LRCH2: variants seen among roughly 807,000 people sequenced by gnomAD.
The protein encoded by LRCH2 is leucine-rich repeat and calponin homology domain-containing protein 2.
Under a neutral mutation model 68.9 loss-of-function variants are expected in LRCH2, and 38 were observed. The observed-to-expected ratio is 0.55, with a 90% CI of 0.43 to 0.72. The LOEUF (loss-of-function observed/expected upper bound fraction) is 0.72. Among genes scored for constraint, LRCH2 ranks in the 30% least tolerant of loss-of-function variants. The pLI, the probability that LRCH2 is intolerant of heterozygous loss-of-function variation, is 0.00. For synonymous variants in LRCH2, 191 were observed against 208.1 expected, an observed-to-expected ratio of 0.92 and a Z score of 0.71; for missense variants, 528 against 572.9, an observed-to-expected ratio of 0.92 and a Z score of 0.80.
chrX:115,162,729 T>C (rs1304987041), intron 11 of LRCH2, among the ~76,000 whole-genome samples: 1 of 111,949 alleles, frequency 8.9e-6, no homozygotes, highest in Non-Finnish European at 1.9e-5. Flanking sequence ...TTTTTCAATG[T>C]ACATTTAAAC....
At chrX:115,181,791 G>T (rs2072693460) in intron 3 of LRCH2, among the ~76,000 whole-genome samples, 1 of 111,776 alleles carries the variant, frequency 8.9e-6, no homozygotes, top group Admixed American at 9.5e-5. Context: ...TAAAATAATA[G>T]TGTTAAACAT....
intron 20 of LRCH2, among the ~76,000 whole-genome samples, chrX:115,117,337 G>C (rs190397749): frequency 1.9e-3 from 214 of 111,668 alleles, no homozygotes; most frequent in African/African-American, 6.8e-3. Flanking sequence ...CTCACATACT[G>C]CTGACAGGAA....
chrX:115,194,131 A>T (rs2072869188), intron 1 of LRCH2, among the ~76,000 whole-genome samples: 1 of 111,194 alleles, frequency 9.0e-6, no homozygotes, highest in Non-Finnish European at 1.9e-5. Context: ...TATATATGTA[A>T]TATATAGAGA....
chrX:115,114,503 A>G (rs2072066668), intron 20 of LRCH2, among the ~76,000 whole-genome samples: 1 of 111,125 alleles, frequency 9.0e-6, no homozygotes, highest in South Asian at 3.7e-4. Flanking sequence ...GAGGAAAACA[A>G]TAAAGTAAAA....
chrX:115,192,909 C>T (rs2072857160), intron 1 of LRCH2: 5 of 311,719 alleles, frequency 1.6e-5, no homozygotes, highest in East Asian at 6.6e-5. Flanking sequence ...AGTTGAAATA[C>T]GATTAATGGC....
chrX:115,191,808 C>T, intron 1 of LRCH2: 1 of 1,153,344 alleles, frequency 8.7e-7, no homozygotes, highest in Non-Finnish European at 1.2e-6. Flanking sequence ...CGCTCGATGC[C>T]AACAGCGGAG....
chrX:115,229,198 CT>C (rs782535913), intron 1 of LRCH2, among the ~76,000 whole-genome samples: 1 of 111,522 alleles, frequency 9.0e-6, no homozygotes, highest in Non-Finnish European at 1.9e-5. Context: ...AATAAATAAC[CT>C]ATTTATTGGC....
rs183663482 is a variant in LRCH2 at position 115,116,559 on chromosome X, G to A, written c.2179-3224C>T. Among the ~76,000 whole-genome samples, 205 of 111,231 alleles carry A rather than the reference G, an allele frequency of 1.8e-3. 1 individual carries two copies. The highest frequency in any genetic ancestry group is 2.8e-3 in the Non-Finnish European group (148 of 52,636). ...AATGGGCAAGGGCTGTGTTTCTGGG[G>A]TGACGAAAATATTTTAAACAGATTG... is the stretch of plus-strand genomic sequence containing the variant. On this transcript the variant is annotated intron_variant, in intron 20 of 20. Coordinates refer to ENST00000317135, the MANE Select transcript of LRCH2 (RefSeq NM_020871.4).
intron 1 of LRCH2, among the ~76,000 whole-genome samples, chrX:115,225,187 T>G (rs908557687): frequency 9.0e-6 from 1 of 111,710 alleles, no homozygotes; most frequent in African/African-American, 3.3e-5. Flanking sequence ...TTAGGTCTTA[T>G]GGCTGGCTTT....
At chrX:115,136,255 A>G (rs782123174) in intron 14 of LRCH2, among the ~76,000 whole-genome samples, 2 of 111,489 alleles carry the variant, frequency 1.8e-5, no homozygotes, top group South Asian at 3.7e-4. Flanking sequence ...TCATCTCTTG[A>G]TATCTGCAAG....
rs908264231 is a variant in LRCH2, at chrX:115,131,814, G to A, written c.1696-1615C>T. 2.7e-4 allele frequency among the ~76,000 whole-genome samples: 30 copies of A among 111,862 alleles called. 1 individual carries two copies. The highest frequency in any genetic ancestry group is 5.3e-4 in the Non-Finnish European group (28 of 53,159). ...ATCGCCATTCTAACTGGTGTGAGAT[G>A]GTATCTCATTGTGGCTTTGATTTGC... On this transcript the variant is annotated intron_variant, in intron 14 of 20. Coordinates refer to ENST00000317135, the MANE Select transcript of LRCH2 (RefSeq NM_020871.4).
chrX:115,184,597 C>T (rs1455183223), intron 2 of LRCH2, 60 bp from the exon 3 acceptor site: 52 of 947,948 alleles, frequency 5.5e-5, no homozygotes, highest in South Asian at 6.5e-5. Flanking sequence ...ATATTAAAAA[C>T]GAAGAAATCA....
intron 3 of LRCH2, among the ~76,000 whole-genome samples, chrX:115,183,193 T>C (rs1427437153): frequency 9.0e-6 from 1 of 111,210 alleles, no homozygotes; most frequent in East Asian, 2.8e-4. Context: ...TTCAAAATTA[T>C]ATGGTTCTAA....
At chrX:115,166,905 G>T (rs781996896) in intron 6 of LRCH2, among the ~76,000 whole-genome samples, 5 of 109,783 alleles carry the variant, frequency 4.6e-5, no homozygotes, top group Admixed American at 9.8e-5. Context: ...CACTTAATTT[G>T]CAATTTTACC....
chrX:115,157,726 T>C (rs2072486654), intron 11 of LRCH2, among the ~76,000 whole-genome samples: 1 of 109,762 alleles, frequency 9.1e-6, no homozygotes, highest in Non-Finnish European at 1.9e-5. Context: ...TATCTAAAAC[T>C]ATTAGGAAAA....
At chrX:115,158,734 A>C (rs2072494417) in intron 11 of LRCH2, among the ~76,000 whole-genome samples, 1 of 112,246 alleles carries the variant, frequency 8.9e-6, no homozygotes, top group African/African-American at 3.2e-5. Flanking sequence ...CTACAGCGTA[A>C]GTTAGCAGGA....
chrX:115,147,701 T>C (rs1038767059), intron 14 of LRCH2, among the ~76,000 whole-genome samples: 1 of 111,497 alleles, frequency 9.0e-6, no homozygotes, highest in Admixed American at 9.6e-5. Context: ...ATGCACATTT[T>C]TAAAATGTGG....
rs2806269 is a variant in LRCH2 at position 115,149,780 on chromosome X, A to G, written c.1695+47T>C. 11,993 of 841,153 alleles carry G rather than the reference A, an allele frequency of 0.014. 763 individuals carry two copies. In the African/African-American group the frequency reaches 0.2, roughly 14 times the overall value. The allele number at this position is 841,153 out of a possible 1,213,427, so 69.3% of individuals were successfully genotyped here. On this transcript the variant is annotated intron_variant, in intron 14 of 20. Transcript: ENST00000317135. ...TAACTCAAAACAAAACTGACAAAAT[A>G]AAAACTAATAATTACAAAGTAAATT...
chrX:115,157,798 G>A (rs1009399850), intron 11 of LRCH2, among the ~76,000 whole-genome samples: 1 of 109,576 alleles, frequency 9.1e-6, no homozygotes, highest in African/African-American at 3.3e-5. Context: ...TACCCTGGGG[G>A]AAATTTCAGA....
Sources: allele counts gnomAD v4.1 joint callset (sites outside exome capture counted in the v4.1 genomes callset), GRCh38; gene constraint gnomAD v4.1.1; transcripts MANE v1.5; gene names NCBI Gene and HGNC (gene_info 2026-07-23, HGNC 2026-07-21).